Variants in PURG observed in about 807,000 individuals in gnomAD.
PURG encodes purine rich element binding protein G, also known as purine-rich element-binding protein gamma.
Under a neutral mutation model 24.3 loss-of-function variants are expected in PURG, and 3 were observed. That is an observed-to-expected ratio of 0.12 (90% CI 0.06 to 0.32). PURG has a LOEUF of 0.32. PURG is among the 10% of genes least tolerant of loss of function. The pLI is 1.00. For missense variants in PURG, 371 were observed against 439.1 expected (o/e 0.84, Z 1.39); for synonymous variants, 180 against 173.1 (o/e 1.04, Z -0.31).
downstream of PURG, among the ~76,000 whole-genome samples, chr8:31,030,058 T>C (rs1302925329): frequency 6.6e-6 from 1 of 152,008 alleles, no homozygotes; most frequent in South Asian, 2.1e-4. Context: ...ACTGATTGCT[T>C]GTTCTTAAGT....
At chr8:30,999,794 G>A (rs1810499722) in intron 1 of PURG, among the ~76,000 whole-genome samples, 1 of 151,938 alleles carries the variant, frequency 6.6e-6, no homozygotes. Flanking sequence ...TCTAGAATCA[G>A]TATAGTCTTT....
chr8:31,030,706 A>G (rs959030121), downstream of PURG: 8 of 151,956 alleles, frequency 5.3e-5, no homozygotes, highest in African/African-American at 1.9e-4. Flanking sequence ...TCAGGATTAT[A>G]TTGGAAGTGT....
chr8:31,021,480 A>G (rs1341543317), intron 1 of PURG, among the ~76,000 whole-genome samples: 1 of 152,218 alleles, frequency 6.6e-6, no homozygotes, highest in African/African-American at 2.4e-5. Flanking sequence ...ATTAGCACCA[A>G]CTTTAACCAA....
chr8:31,003,412 A>G (rs946846571), intron 1 of PURG, among the ~76,000 whole-genome samples: 1 of 151,698 alleles, frequency 6.6e-6, no homozygotes, highest in Non-Finnish European at 1.5e-5. Context: ...CACTGAAGTG[A>G]TATAAGCATT....
At chr8:31,000,400 T>A (rs567625103) in intron 1 of PURG, among the ~76,000 whole-genome samples, 2 of 152,180 alleles carry the variant, frequency 1.3e-5, no homozygotes, top group Non-Finnish European at 2.9e-5. Flanking sequence ...TGCAAATAAA[T>A]GGAATGCACA....
intron 1 of PURG, among the ~76,000 whole-genome samples, chr8:31,018,437 G>A (rs1288267069): frequency 6.6e-6 from 1 of 152,218 alleles, no homozygotes; most frequent in Non-Finnish European, 1.5e-5. Context: ...CAGGAGCAGA[G>A]AAGTCATGCA....
Position 31,006,271 on chromosome 8 carries a change from G to A in PURG, c.865-9574C>T, listed in dbSNP as rs1248600030. 3.9e-5 allele frequency among the ~76,000 whole-genome samples: 6 copies of A among 152,094 alleles called. No homozygotes were observed. In the East Asian group the frequency reaches 9.6e-4, roughly 24 times the overall value. On this transcript the variant is annotated intron_variant, in intron 1 of 1. Coordinates refer to the PURG transcript ENST00000339382. ...AATGACCTTGACAGAATTCATCCAC[G>A]TCATGCCAAATTCATCTACAAAATT...
rs1811204917 is a variant in PURG, at chr8:31,031,613, A to C, written c.*126T>G. ...TGAGAATCAGACTTCCTGAAGTATC[A>C]ACTACTAGAGGTATTACTAATAACA... is the stretch of plus-strand genomic sequence containing the variant. On this transcript the variant is annotated 3_prime_UTR_variant, in exon 2 of 2. Coordinates refer to ENST00000523392, the MANE Select transcript of PURG (RefSeq NM_001323311.2). 5 of 779,020 alleles carry C rather than the reference A, an allele frequency of 6.4e-6. 1 individual carries two copies. The African/African-American group carries it at 7.0e-5, about 11-fold the overall frequency. The allele number at this position is 779,020 out of a possible 1,614,324, so 48.3% of individuals were successfully genotyped here.
At position 30,996,713 on chromosome 8, in the gene PURG, T is replaced by C. The variant is rs759109128; in HGVS notation, c.865-16A>G. On this transcript the variant is annotated splice_polypyrimidine_tract_variant and intron_variant, in intron 1 of 1. Coordinates refer to the PURG transcript ENST00000339382. ...AATTTGTGAGCTAAAGAAAAAATAT[T>C]AATTTGAATTTAGCAAACATGAAGT... The C allele has an allele frequency of 1.9e-6, 3 of 1,571,916 alleles. No individual in the cohort carries two copies. The African/African-American group carries it at 4.1e-5, about 21-fold the overall frequency.
chr8:31,000,488 C>T (rs1259822169), intron 1 of PURG, among the ~76,000 whole-genome samples: 1 of 152,064 alleles, frequency 6.6e-6, no homozygotes, highest in Non-Finnish European at 1.5e-5. Flanking sequence ...CTAAGATTCT[C>T]CCCCACCTCA....
chr8:31,016,581 C>CAAACAAAA (rs1810871730), intron 1 of PURG, among the ~76,000 whole-genome samples: 1 of 57,532 alleles, frequency 1.7e-5, no homozygotes, highest in African/African-American at 7.3e-5. Flanking sequence ...TACCAAGAAC[C>CAAACAAAA]AAAAAAAAAA....
chr8:31,008,421 A>C (rs1186818383), intron 1 of PURG, among the ~76,000 whole-genome samples: 1 of 152,122 alleles, frequency 6.6e-6, no homozygotes, highest in African/African-American at 2.4e-5. Context: ...CTCCTGACTC[A>C]GCCTCCCGAG....
intron 1 of PURG, among the ~76,000 whole-genome samples, chr8:31,009,073 A>G (rs1009304607): frequency 2.0e-5 from 3 of 152,182 alleles, no homozygotes; most frequent in African/African-American, 7.2e-5. Flanking sequence ...ATTTATAACT[A>G]TATGATAATT....
At chr8:31,028,783 G>A (rs972761183), downstream of PURG, among the ~76,000 whole-genome samples, 5 of 151,796 alleles carry the variant, frequency 3.3e-5, no homozygotes, top group African/African-American at 7.2e-5. Flanking sequence ...AGAGGAACCC[G>A]TTTCCAAATT....
At chr8:31,005,775 T>TC (rs1399678252) in intron 1 of PURG, among the ~76,000 whole-genome samples, 3 of 135,414 alleles carry the variant, frequency 2.2e-5, no homozygotes, top group East Asian at 2.3e-4. Flanking sequence ...TTTTTTCTTT[T>TC]TTTTTTTTTT....
At chr8:31,013,588 T>G (rs780932776) in intron 1 of PURG, among the ~76,000 whole-genome samples, 8 of 152,082 alleles carry the variant, frequency 5.3e-5, no homozygotes, top group Non-Finnish European at 1.2e-4. Flanking sequence ...AAACACAAAA[T>G]TAGCCAGGCA....
rs1295532617 is a variant in PURG, at chr8:31,032,364, T to G, written c.419A>C (p.His140Pro). 10 of 1,613,440 alleles carry G rather than the reference T, an allele frequency of 6.2e-6. No individual in the cohort carries two copies. The East Asian group carries it at 6.7e-5, about 11-fold the overall frequency. ...CCTTCTGGAGCCTTGCTCTTTGCTG[T>G]GGCCATGCTCTTGCCGGTGGCCTTT... ...GLKGHRQEHG[H>P]SKEQGSRRRQ... is the part of the protein sequence containing the mutation. Residue 140 changes from histidine (H) to proline (P), a missense_variant, in exon 2 of 2, where the codon CAC becomes CCC. Physicochemically the swap from His to Pro is moderately conservative, Grantham distance 77 (BLOSUM62 -2). Around this residue, in one of 5 missense-constraint regions of PURG, gnomAD observed 213 missense variants for 230.6 expected, o/e 0.92. Coordinates refer to ENST00000523392, the MANE Select transcript of PURG (RefSeq NM_001323311.2). This position sits in a 1 kb window ranked among gnomAD's most constrained non-coding sequence, Gnocchi z 5.9.
chr8:31,018,924 G>A (rs1585362611), intron 1 of PURG, among the ~76,000 whole-genome samples: 1 of 150,718 alleles, frequency 6.6e-6, no homozygotes, highest in South Asian at 2.1e-4. Flanking sequence ...TCAGGAGATC[G>A]AGACCATTCT....
At chr8:31,015,534 A>G (rs1450400248) in intron 1 of PURG, among the ~76,000 whole-genome samples, 5 of 152,190 alleles carry the variant, frequency 3.3e-5, no homozygotes, top group Non-Finnish European at 7.3e-5. Context: ...TGAGACTGAA[A>G]GACCAGTCGC....
Sources: allele counts gnomAD v4.1 joint callset (sites outside exome capture counted in the v4.1 genomes callset), GRCh38; gene constraint gnomAD v4.1.1; regional missense constraint gnomAD v4.1.1; non-coding constraint Gnocchi (gnomAD v3.1); transcripts MANE v1.5; gene names NCBI Gene and HGNC (gene_info 2026-07-23, HGNC 2026-07-21).